Variants in SPAG16 observed in about 807,000 individuals in gnomAD.
SPAG16 encodes sperm-associated antigen 16 protein.
Under a neutral mutation model 80.4 loss-of-function variants are expected in SPAG16, and 86 were observed. The ratio of observed to expected loss-of-function variants is 1.07; its 90% CI spans 0.90 to 1.28. SPAG16 has a LOEUF of 1.28. Among genes scored for constraint, SPAG16 ranks in the 50% most tolerant of loss-of-function variants. SPAG16 has a pLI of 0.00. For synonymous variants in SPAG16, 294 were observed against 265.9 expected, an observed-to-expected ratio of 1.11 and a Z score of -1.03; for missense variants, 870 against 765.3, an observed-to-expected ratio of 1.14 and a Z score of -1.61.
intron 10 of SPAG16, among the ~76,000 whole-genome samples, chr2:213,799,762 T>A (rs2071265229): frequency 1.3e-5 from 2 of 152,116 alleles, no homozygotes; most frequent in South Asian, 2.1e-4. Context: ...ATTGAGGATA[T>A]CAAGCCAAAT....
At chr2:213,932,949 A>AACACACACACACACACACACACACACAC (rs3076792) in intron 12 of SPAG16, among the ~76,000 whole-genome samples, 1 of 143,944 alleles carries the variant, frequency 6.9e-6, no homozygotes, top group African/African-American at 2.6e-5. Context: ...GTTGTTTGAA[A>AACACACACACACACACACACACACACAC]ACACACACAC....
chr2:214,180,710 A>G (rs1474199621), intron 15 of SPAG16, among the ~76,000 whole-genome samples: 1 of 151,722 alleles, frequency 6.6e-6, no homozygotes, highest in East Asian at 1.9e-4. Context: ...ACATATTTTT[A>G]TAATTAAGTG....
intron 10 of SPAG16, among the ~76,000 whole-genome samples, chr2:213,529,893 T>C (rs983169335): frequency 8.1e-4 from 124 of 152,348 alleles, no homozygotes; most frequent in African/African-American, 2.8e-3. Context: ...ATTTTTAGTT[T>C]TTTGAAAGTT....
chr2:214,137,225 C>A (rs1458064236), intron 14 of SPAG16, among the ~76,000 whole-genome samples: 2 of 151,926 alleles, frequency 1.3e-5, no homozygotes, highest in East Asian at 3.8e-4. Flanking sequence ...TCAATATATG[C>A]TTTGTGTATA....
intron 9 of SPAG16, among the ~76,000 whole-genome samples, chr2:213,441,919 G>A (rs887293072): frequency 3.9e-5 from 6 of 152,202 alleles, no homozygotes; most frequent in Admixed American, 1.3e-4. Flanking sequence ...GGCTGAGACA[G>A]GTGGATCACT....
chr2:213,677,859 T>C (rs1396825266), intron 10 of SPAG16, among the ~76,000 whole-genome samples: 2 of 152,082 alleles, frequency 1.3e-5, no homozygotes, highest in East Asian at 3.8e-4. Flanking sequence ...ATTGACCACA[T>C]AGTTGGAAGT....
intron 10 of SPAG16, among the ~76,000 whole-genome samples, chr2:213,521,277 C>T (rs2075653097): frequency 6.6e-6 from 1 of 152,202 alleles, no homozygotes; most frequent in East Asian, 1.9e-4. Context: ...GGTGACTTCT[C>T]ATTCACATTG....
intron 10 of SPAG16, among the ~76,000 whole-genome samples, chr2:213,683,674 G>GTGAA (rs2064510590): frequency 6.6e-6 from 1 of 151,732 alleles, no homozygotes; most frequent in South Asian, 2.1e-4. Context: ...CAAGTTAAGG[G>GTGAA]TGAATGCCAA....
chr2:213,318,122 A>G (rs1490597212), intron 5 of SPAG16: 1 of 152,004 alleles, frequency 6.6e-6, no homozygotes, highest in Non-Finnish European at 1.5e-5. Flanking sequence ...GTAAGATGAT[A>G]TCTCATTGTG....
intron 9 of SPAG16, among the ~76,000 whole-genome samples, chr2:213,413,840 C>T (rs571964736): frequency 2.4e-4 from 36 of 152,220 alleles, no homozygotes; most frequent in Non-Finnish European, 4.3e-4. Context: ...AACTTCTTTT[C>T]GATCTAATAG....
chr2:213,643,689 T>C (rs185283114), intron 10 of SPAG16, among the ~76,000 whole-genome samples: 1 of 149,776 alleles, frequency 6.7e-6, no homozygotes, highest in East Asian at 2.0e-4. Flanking sequence ...TAGGCGCCCT[T>C]CATTATTTTT....
At chr2:213,349,382 A>T (rs1405759880) in intron 6 of SPAG16, among the ~76,000 whole-genome samples, 1 of 152,198 alleles carries the variant, frequency 6.6e-6, no homozygotes, top group African/African-American at 2.4e-5. Flanking sequence ...GATGTTGGTT[A>T]ATGGAAAATG....
chr2:214,254,750 T>C (rs1333480310), intron 15 of SPAG16, among the ~76,000 whole-genome samples: 7 of 151,618 alleles, frequency 4.6e-5, no homozygotes, highest in Non-Finnish European at 1.0e-4. Context: ...TACAGTCATA[T>C]TTATAACTAG....
intron 15 of SPAG16, among the ~76,000 whole-genome samples, chr2:214,273,645 A>T (rs1692211227): frequency 6.6e-6 from 1 of 152,012 alleles, no homozygotes; most frequent in Admixed American, 6.5e-5. Flanking sequence ...GTTCTGTTCC[A>T]TTGGTCTATG....
chr2:213,444,477 A>G (rs2071175281), intron 9 of SPAG16, among the ~76,000 whole-genome samples: 2 of 152,228 alleles, frequency 1.3e-5, no homozygotes, highest in African/African-American at 4.8e-5. Context: ...CTATTCTGCC[A>G]TCTTGCTGAT....
chr2:214,227,200 A>G (rs992098711), intron 15 of SPAG16, among the ~76,000 whole-genome samples: 1 of 152,100 alleles, frequency 6.6e-6, no homozygotes, highest in Non-Finnish European at 1.5e-5. Flanking sequence ...GTGGTCAAAT[A>G]ATAGTGATTA....
At chr2:213,980,059 C>T (rs954094197) in intron 12 of SPAG16, among the ~76,000 whole-genome samples, 4 of 151,496 alleles carry the variant, frequency 2.6e-5, no homozygotes, top group Non-Finnish European at 5.9e-5. Context: ...ACTGAAATCG[C>T]ATGAAAACTA....
intron 3 of SPAG16, among the ~76,000 whole-genome samples, chr2:213,299,948 A>G (rs1442817913): frequency 6.6e-6 from 1 of 152,138 alleles, no homozygotes; most frequent in Non-Finnish European, 1.5e-5. Context: ...AAATATATGA[A>G]AAGAAAGGTC....
chr2:213,828,326 G>T (rs189301136), intron 10 of SPAG16, among the ~76,000 whole-genome samples: 10 of 151,868 alleles, frequency 6.6e-5, no homozygotes, highest in African/African-American at 2.4e-5. Flanking sequence ...GCATTCTTTC[G>T]TATGTCAGTT....
Sources: allele counts gnomAD v4.1 joint callset (sites outside exome capture counted in the v4.1 genomes callset), GRCh38; gene constraint gnomAD v4.1.1; transcripts MANE v1.5; gene names NCBI Gene and HGNC (gene_info 2026-07-23, HGNC 2026-07-21).